Variants in GALNT14 observed in about 807,000 individuals in gnomAD.
The protein encoded by GALNT14 is UDP-GalNAc:polypeptide N-acetylgalactosaminyltransferase 14.
Under a neutral mutation model 77.5 loss-of-function variants are expected in GALNT14, and 60 were observed. The ratio of observed to expected loss-of-function variants is 0.77; its 90% CI spans 0.63 to 0.96. The LOEUF (loss-of-function observed/expected upper bound fraction) is 0.96, where lower values mean the gene tolerates loss of function less well. GALNT14 is among the 40% of genes least tolerant of loss of function. GALNT14 has a pLI of 0.00. For missense variants in GALNT14, 710 were observed against 731.0 expected (o/e 0.97, Z 0.33); for synonymous variants, 280 against 281.7 (o/e 0.99, Z 0.06).
At chr2:30,891,297 G>A in the GALNT14 span, among the ~76,000 whole-genome samples, 1 of 152,142 alleles carries the variant, frequency 6.6e-6, no homozygotes, top group South Asian at 2.1e-4. Flanking sequence ...GGGCTTTCCT[G>A]CTGTGTGAGT....
downstream of GALNT14, among the ~76,000 whole-genome samples, chr2:30,908,180 T>C (rs1205904005): frequency 6.8e-6 from 1 of 147,998 alleles, no homozygotes; most frequent in Non-Finnish European, 1.5e-5. Flanking sequence ...TCACCACTCC[T>C]ATTCAACATA....
At chr2:30,951,754 A>C (rs1008401536) in intron 6 of GALNT14, among the ~76,000 whole-genome samples, 1 of 152,182 alleles carries the variant, frequency 6.6e-6, no homozygotes, top group African/African-American at 2.4e-5. Flanking sequence ...TGACGGCTGC[A>C]CCCATAGAGG....
the GALNT14 span, among the ~76,000 whole-genome samples, chr2:30,904,739 G>A: frequency 6.6e-6 from 1 of 152,270 alleles, no homozygotes; most frequent in African/African-American, 2.4e-5. Flanking sequence ...TGCCTCTGTA[G>A]GCTCCACCTC....
intron 6 of GALNT14, among the ~76,000 whole-genome samples, chr2:30,948,498 G>A (rs1335183198): frequency 6.6e-6 from 1 of 152,224 alleles, no homozygotes; most frequent in Admixed American, 6.5e-5. Context: ...AGGGTAGTTA[G>A]CCATGTCTAT....
chr2:30,991,847 A>C (rs1573109309), intron 2 of GALNT14, among the ~76,000 whole-genome samples: 1 of 152,346 alleles, frequency 6.6e-6, no homozygotes, highest in East Asian at 1.9e-4. Flanking sequence ...GAACTGCCAG[A>C]GGAATCAGCC....
chr2:31,055,291 T>C (rs1674139763), intron 1 of GALNT14, among the ~76,000 whole-genome samples: 1 of 152,216 alleles, frequency 6.6e-6, no homozygotes, highest in Non-Finnish European at 1.5e-5. Context: ...CTGCTTTTCA[T>C]TTATCCTAAT....
intron 1 of GALNT14, among the ~76,000 whole-genome samples, chr2:31,118,628 A>G (rs1032544794): frequency 6.6e-6 from 1 of 152,194 alleles, no homozygotes; most frequent in Non-Finnish European, 1.5e-5. Context: ...ATGAACACTA[A>G]AGCCATTTGC....
At chr2:31,050,230 T>C (rs932677385) in intron 1 of GALNT14, among the ~76,000 whole-genome samples, 2 of 152,224 alleles carry the variant, frequency 1.3e-5, no homozygotes, top group African/African-American at 4.8e-5. Context: ...ACAGCCAGCT[T>C]GTTACTTTCC....
chr2:30,966,785 G>A (rs1014418580), intron 2 of GALNT14, among the ~76,000 whole-genome samples: 13 of 152,122 alleles, frequency 8.5e-5, no homozygotes, highest in African/African-American at 3.1e-4. Context: ...CCCAGCCCCT[G>A]CAACACACAC....
chr2:31,036,460 T>A (rs535722597), intron 1 of GALNT14, among the ~76,000 whole-genome samples: 1 of 152,312 alleles, frequency 6.6e-6, no homozygotes, highest in Middle Eastern at 3.4e-3. Flanking sequence ...TATGTCTTCA[T>A]GCATTATAAG....
chr2:31,112,200 C>T (rs1677873566), intron 1 of GALNT14, among the ~76,000 whole-genome samples: 1 of 152,174 alleles, frequency 6.6e-6, no homozygotes, highest in African/African-American at 2.4e-5. Context: ...AGCCCAGCTC[C>T]AGGCACAGGA....
At chr2:31,098,621 G>A (rs1042063952) in intron 1 of GALNT14, among the ~76,000 whole-genome samples, 1 of 152,024 alleles carries the variant, frequency 6.6e-6, no homozygotes, top group African/African-American at 2.4e-5. Flanking sequence ...GTATAAATGC[G>A]GTTGACCCTT....
At chr2:30,985,975 AATG>A (rs1669273705) in intron 2 of GALNT14, among the ~76,000 whole-genome samples, 1 of 152,180 alleles carries the variant, frequency 6.6e-6, no homozygotes, top group African/African-American at 2.4e-5. Flanking sequence ...CAAGGAGAGA[AATG>A]ATGATGATCT....
intron 2 of GALNT14, among the ~76,000 whole-genome samples, chr2:30,975,654 T>C (rs964568917): frequency 1.3e-5 from 2 of 152,248 alleles, no homozygotes; most frequent in African/African-American, 4.8e-5. Context: ...CTATTTCTAT[T>C]GGAAATCATT....
At chr2:30,924,309 A>T (rs771467524) in intron 12 of GALNT14, 46 bp from the exon 13 acceptor site, 3 of 1,601,282 alleles carry the variant, frequency 1.9e-6, no homozygotes, top group African/African-American at 2.7e-5. Context: ...TGCTCATTGG[A>T]TTAGCAAGAC....
At chr2:30,945,148 C>A (rs1199702326) in intron 7 of GALNT14, among the ~76,000 whole-genome samples, 1 of 152,328 alleles carries the variant, frequency 6.6e-6, no homozygotes, top group East Asian at 1.9e-4. Flanking sequence ...CCTCTACCCA[C>A]TACCACCTCT....
chr2:31,053,785 C>A (rs537209704), intron 1 of GALNT14, among the ~76,000 whole-genome samples: 4 of 152,150 alleles, frequency 2.6e-5, no homozygotes, highest in Non-Finnish European at 4.4e-5. Flanking sequence ...TGCTTTCTAA[C>A]GAGAGACATA....
In GALNT14 at chr2:31,021,120, C is replaced by T. The variant is rs566423062; in HGVS notation, c.130-28113G>A. On this transcript the variant is annotated intron_variant, in intron 1 of 14. Coordinates refer to ENST00000349752, the MANE Select transcript of GALNT14 (RefSeq NM_024572.4). ...AGAGAGACTCAAACAAGAGCTTGAA[C>T]AGCCAGCAGGTGCTGCACAGATGGG... 3.9e-5 allele frequency among the ~76,000 whole-genome samples: 6 copies of T among 152,146 alleles called. No homozygotes were observed. In the South Asian group the frequency reaches 1.2e-3, roughly 32 times the overall value.
chr2:30,916,391 C>T (rs1664678985), intron 13 of GALNT14, among the ~76,000 whole-genome samples: 2 of 152,204 alleles, frequency 1.3e-5, no homozygotes, highest in Admixed American at 1.3e-4. Flanking sequence ...GCAGCTCAAC[C>T]CTCGGTTTGG....
Sources: allele counts gnomAD v4.1 joint callset (sites outside exome capture counted in the v4.1 genomes callset), GRCh38; gene constraint gnomAD v4.1.1; transcripts MANE v1.5; gene names NCBI Gene and HGNC (gene_info 2026-07-23, HGNC 2026-07-21).